TOMM20L: variants seen among roughly 807,000 people sequenced by gnomAD.
TOMM20L encodes TOMM20-like protein 1.
A neutral mutation model predicts 20.4 loss-of-function variants in TOMM20L; 19 were observed. That is an observed-to-expected ratio of 0.93 (90% CI 0.65 to 1.36). The LOEUF (loss-of-function observed/expected upper bound fraction) is 1.36. Among genes scored for constraint, TOMM20L ranks in the 40% most tolerant of loss-of-function variants. TOMM20L has a pLI of 0.00. For synonymous variants in TOMM20L, 75 were observed against 79.6 expected (o/e 0.94, Z 0.30); for missense variants, 218 against 203.7 (o/e 1.07, Z -0.43).
At chr14:58,405,181 T>C (rs1407566011) in intron 3 of TOMM20L, among the ~76,000 whole-genome samples, 3 of 152,142 alleles carry the variant, frequency 2.0e-5, no homozygotes, top group African/African-American at 7.2e-5. Flanking sequence ...TTGGTCAGGC[T>C]GGTCTCAAAC....
At chr14:58,407,916 G>A (rs1463730739) in intron 4 of TOMM20L, among the ~76,000 whole-genome samples, 1 of 152,184 alleles carries the variant, frequency 6.6e-6, no homozygotes, top group Non-Finnish European at 1.5e-5. Flanking sequence ...TCCTGCAAAT[G>A]CTTGGATTCA....
At chr14:58,408,727 T>A, downstream of TOMM20L, 1 of 808,052 alleles carries the variant, frequency 1.2e-6, no homozygotes, top group Non-Finnish European at 1.9e-6. Flanking sequence ...TAAGTTGCTT[T>A]AAAATTAACA....
intron 2 of TOMM20L, among the ~76,000 whole-genome samples, chr14:58,399,883 T>TGC (rs1319244897): frequency 1.0e-5 from 1 of 100,434 alleles, no homozygotes; most frequent in Non-Finnish European, 2.0e-5. Flanking sequence ...AATGCTCTAT[T>TGC]GCATATATAT....
rs1408980666 is a variant in TOMM20L at position 58,404,099 on chromosome 14, G to GTGTGTGTGTATATATATATATATATA, written c.262+1339_262+1340insGTGTGTGTATATATATATATATATAT. Among the ~76,000 whole-genome samples the GTGTGTGTGTATATATATATATATATA allele has an allele frequency of 5.7e-4, 13 of 22,942 alleles. 1 individual carries two copies. The highest frequency in any genetic ancestry group is 3.8e-3 in the South Asian group (2 of 526). 15.1% of individuals were successfully genotyped at this position (22,942 alleles called of 152,430 possible). A position where few individuals can be genotyped will look rare whatever the true frequency, so the allele number is the denominator to read the frequency against. On this transcript the variant is annotated intron_variant, in intron 3 of 4. Coordinates refer to ENST00000360945, the MANE Select transcript of TOMM20L (RefSeq NM_207377.3). The stretch of plus-strand genomic sequence containing the variant: ...GTACAATGTATATATACATATATAT[G>GTGTGTGTGTATATATATATATATATA]TATATATATATATATATATATTTTT...
intron 2 of TOMM20L, 127 bp from the exon 3 acceptor site, chr14:58,402,553 G>T: frequency 4.6e-6 from 3 of 653,328 alleles, no homozygotes; most frequent in South Asian, 3.7e-5. Context: ...CTCCCAAAGT[G>T]TTGGGATTAC....
chr14:58,407,342 G>A lies in TOMM20L; in HGVS notation c.279G>A (p.Gly93=), dbSNP rs1403273051. Residue 93 remains glycine, a synonymous_variant, in exon 4 of 5, where the codon GGG becomes GGA. Transcript: ENST00000360945. ...LWLSRGEHRM[G]IQHLGNALLV... Reference sequence around the variant, plus strand: ...CTGTTTCAGGAGAGCACAGAATGGGGATTCAACACCTCGGCAATGCCCTTT... The same window carrying A: ...CTGTTTCAGGAGAGCACAGAATGGGAATTCAACACCTCGGCAATGCCCTTT... 2.5e-6 allele frequency: 4 copies of A among 1,608,306 alleles called. No homozygotes were observed. Among genetic ancestry groups the A allele is most frequent in the Non-Finnish European group, 3.4e-6 (4 of 1,178,176 alleles).
At chr14:58,411,958 C>T (rs1412006716), downstream of TOMM20L, 1 of 1,612,518 alleles carries the variant, frequency 6.2e-7, no homozygotes. Context: ...TCTTCTGGTA[C>T]CTTTATTAGT....
At chr14:58,412,136 G>T, downstream of TOMM20L, 2 of 524,782 alleles carry the variant, frequency 3.8e-6, no homozygotes, top group Non-Finnish European at 6.7e-6. Context: ...CCTTACAGTT[G>T]AGAATTAGAT....
intron 4 of TOMM20L, 150 bp downstream of exon 4, chr14:58,407,618 C>T: frequency 1.4e-6 from 1 of 714,484 alleles, no homozygotes; most frequent in Non-Finnish European, 2.1e-6. Context: ...TAACACGAAG[C>T]AAGCCTATTC....
chr14:58,409,116 A>T, downstream of TOMM20L: 1 of 1,613,836 alleles, frequency 6.2e-7, no homozygotes, highest in East Asian at 2.2e-5. Flanking sequence ...TCTCATGGAT[A>T]TTCTTTGTGT....
At chr14:58,414,008 GAAAAAAAAAAAA>G in the TOMM20L span, among the ~76,000 whole-genome samples, 2 of 24,172 alleles carry the variant, frequency 8.3e-5, no homozygotes, top group African/African-American at 2.0e-4. Context: ...TTCCGTCTCA[GAAAAAAAAAAAA>G]AAAAAAAAAA....
chr14:58,403,991 C>A (rs536486861), intron 3 of TOMM20L, among the ~76,000 whole-genome samples: 10 of 143,630 alleles, frequency 7.0e-5, no homozygotes, highest in South Asian at 4.4e-4. Context: ...TGGTGTTAAA[C>A]CCTGGAAAGG....
intron 2 of TOMM20L, among the ~76,000 whole-genome samples, chr14:58,397,552 T>C (rs1260910453): frequency 2.0e-5 from 3 of 152,182 alleles, no homozygotes; most frequent in Non-Finnish European, 4.4e-5. Flanking sequence ...CCTGGAAGGA[T>C]GATGAATTTG....
chr14:58,407,456 C>T lies in TOMM20L; in HGVS notation c.393C>T (p.Pro131=). The T allele has an allele frequency of 1.2e-6, 2 of 1,611,878 alleles. No homozygotes were observed. Among genetic ancestry groups the T allele is most frequent in the South Asian group, 2.2e-5 (2 of 90,616 alleles). Residue 131 remains proline (P), a synonymous_variant, in exon 4 of 5, where the codon CCC becomes CCT. Coordinates refer to ENST00000360945, the MANE Select transcript of TOMM20L (RefSeq NM_207377.3). ...TTGAGATGCTGTTGCACAAAATTCC[C>T]CTTATTTGCCAGGTGAGCACATATT... is the stretch of plus-strand genomic sequence containing the variant. ...KVFEMLLHKI[P]LICQQFEADM...
chr14:58,412,712 C>T (rs1254530200), downstream of TOMM20L, among the ~76,000 whole-genome samples: 1 of 151,994 alleles, frequency 6.6e-6, no homozygotes, highest in Non-Finnish European at 1.5e-5. Flanking sequence ...ACCAGCCTGG[C>T]CAACATAGTG....
the TOMM20L span, among the ~76,000 whole-genome samples, chr14:58,415,688 A>T: frequency 6.6e-6 from 1 of 152,242 alleles, no homozygotes; most frequent in Non-Finnish European, 1.5e-5. Flanking sequence ...GAAAAACATT[A>T]ACAGAGTACA....
intron 3 of TOMM20L, among the ~76,000 whole-genome samples, chr14:58,405,940 G>C (rs1261620501): frequency 6.6e-6 from 1 of 152,138 alleles, no homozygotes; most frequent in African/African-American, 2.4e-5. Context: ...TGGAACCCAG[G>C]TGTCAATATT....
chr14:58,397,693 G>A (rs911906753), intron 2 of TOMM20L, among the ~76,000 whole-genome samples: 2 of 152,132 alleles, frequency 1.3e-5, no homozygotes, highest in African/African-American at 4.8e-5. Flanking sequence ...AATAGTGGGT[G>A]GTAAGGTTGG....
At chr14:58,410,233 G>A (rs2140311706), downstream of TOMM20L, among the ~76,000 whole-genome samples, 1 of 152,068 alleles carries the variant, frequency 6.6e-6, no homozygotes, top group Admixed American at 6.6e-5. Context: ...AACATGTCTA[G>A]CTAATTTTTT....
Sources: gnomAD v4.1 joint callset for allele counts (sites outside exome capture counted in the v4.1 genomes callset) on GRCh38, gnomAD v4.1.1 for gene constraint, MANE v1.5 for transcripts, NCBI Gene and HGNC (gene_info 2026-07-23, HGNC 2026-07-21) for gene names.